LRCH2: variants seen among roughly 807,000 people sequenced by gnomAD.
LRCH2 encodes leucine rich repeats and calponin homology domain containing 2.
In LRCH2, 38 loss-of-function variants were observed where a neutral mutation model predicts 68.9. That is an observed-to-expected ratio of 0.55 (90% CI 0.43 to 0.72). LRCH2 has a LOEUF of 0.72. Ranked by LOEUF, LRCH2 falls within the 30% of genes least tolerant of loss-of-function variation. The probability of loss-of-function intolerance (pLI) is 0.00; values close to 1 mark genes in which losing one functional copy is unlikely to be tolerated. For missense variants in LRCH2, 528 were observed against 572.9 expected (o/e 0.92, Z 0.80); for synonymous variants, 191 against 208.1 (o/e 0.92, Z 0.71).
At chrX:115,166,040 A>C (rs782274607) in intron 7 of LRCH2, 88 bp from the exon 8 acceptor site, 1 of 741,990 alleles carries the variant, frequency 1.3e-6, no homozygotes, top group East Asian at 3.5e-5. Flanking sequence ...TGAATTACAG[A>C]ATGTCTGCTT....
intron 14 of LRCH2, among the ~76,000 whole-genome samples, chrX:115,144,593 T>C (rs1385650988): frequency 3.6e-5 from 4 of 110,065 alleles, no homozygotes; most frequent in African/African-American, 1.0e-4. Flanking sequence ...ACTGATAAAT[T>C]CTGTAAAGTT....
intron 1 of LRCH2, chrX:115,191,070 G>A: frequency 8.6e-7 from 1 of 1,163,731 alleles, no homozygotes. Context: ...GTTACGGCCA[G>A]AGCCACCGCT....
chrX:115,163,849 G>C, intron 10 of LRCH2, 66 bp from the exon 11 acceptor site: 1 of 805,316 alleles, frequency 1.2e-6, no homozygotes, highest in Non-Finnish European at 1.8e-6. Flanking sequence ...CCAGCTTCCA[G>C]AAATAGAAAC....
In LRCH2 at chrX:115,188,215, T is replaced by C; in HGVS notation, c.494+11A>G. 9.2e-7 allele frequency: 1 copy of C among 1,088,188 alleles called. No homozygotes were observed. Among genetic ancestry groups the C allele is most frequent in the East Asian group, 3.3e-5 (1 of 30,178 alleles). The allele number at this position is 1,088,188 out of a possible 1,213,427, so 89.7% of individuals were successfully genotyped here. A position where few individuals can be genotyped will look rare whatever the true frequency, so the allele number is the denominator to read the frequency against. ...TAAAAACCAAAATTTATTTTTAAAT[T>C]GTTTCCTTACCTAATGTTAAGGTAT... is the stretch of plus-strand genomic sequence containing the variant. On this transcript the variant is annotated intron_variant, in intron 2 of 20. Transcript: ENST00000317135.
Position 115,170,440 on chromosome X carries a change from T to A in LRCH2, c.865-8A>T, listed in dbSNP as rs1556547178. ...CTTACCCTTTAAACATATCTGTCAA[T>A]AAAAAATAAAGATTTAATTATATAG... On this transcript the variant is annotated splice_polypyrimidine_tract_variant and splice_region_variant and intron_variant, in intron 5 of 20. Transcript: ENST00000317135. 2 of 1,075,746 alleles carry A rather than the reference T, an allele frequency of 1.9e-6. No individual in the cohort carries two copies. The highest frequency in any genetic ancestry group is 2.4e-6 in the Non-Finnish European group (2 of 822,801). The allele number at this position is 1,075,746 out of a possible 1,213,427, so 88.7% of individuals were successfully genotyped here.
intron 1 of LRCH2, among the ~76,000 whole-genome samples, chrX:115,215,420 C>G (rs1374790294): frequency 9.0e-6 from 1 of 110,550 alleles, no homozygotes; most frequent in African/African-American, 3.3e-5. Context: ...TATCTTCAAC[C>G]TCACTGTAAT....
At chrX:115,146,908 C>CAT (rs1275789791) in intron 14 of LRCH2, among the ~76,000 whole-genome samples, 2 of 6,670 alleles carry the variant, frequency 3.0e-4, no homozygotes, top group Non-Finnish European at 9.3e-4. Context: ...TACATACATA[C>CAT]ACACACACAC....
chrX:115,234,059 T>G lies in LRCH2; in HGVS notation c.-18A>C, dbSNP rs1435358607. On this transcript the variant is annotated 5_prime_UTR_variant, in exon 1 of 21. Coordinates refer to ENST00000317135, the MANE Select transcript of LRCH2 (RefSeq NM_020871.4). ...GCCGCCATGTTCCTGGGAGAGAGAATAGCCCCCGACAATACTGTCAGCCTG... is the reference window on the plus strand; with the variant it reads ...GCCGCCATGTTCCTGGGAGAGAGAAGAGCCCCCGACAATACTGTCAGCCTG... The G allele has an allele frequency of 6.0e-6, 7 of 1,160,902 alleles. No individual in the cohort carries two copies. Among genetic ancestry groups the G allele is most frequent in the Non-Finnish European group, 8.0e-6 (7 of 870,034 alleles).
At chrX:115,221,919 C>G (rs1172699710) in intron 1 of LRCH2, among the ~76,000 whole-genome samples, 3 of 98,155 alleles carry the variant, frequency 3.1e-5, no homozygotes, top group Non-Finnish European at 6.1e-5. Context: ...GGTGGAAAGC[C>G]AAAGAAGGAT....
intron 1 of LRCH2, among the ~76,000 whole-genome samples, chrX:115,195,111 C>T (rs905124534): frequency 9.1e-6 from 1 of 110,282 alleles, no homozygotes; most frequent in Non-Finnish European, 1.9e-5. Context: ...GGTGAAACCC[C>T]GTCTCTTACT....
intron 14 of LRCH2, among the ~76,000 whole-genome samples, chrX:115,131,549 A>G (rs1421960983): frequency 1.8e-5 from 2 of 111,801 alleles, no homozygotes; most frequent in East Asian, 2.8e-4. Context: ...TATTGTGAAT[A>G]GTGCTGCAAT....
chrX:115,154,671 G>A (rs1000581303), intron 12 of LRCH2, among the ~76,000 whole-genome samples: 1 of 111,488 alleles, frequency 9.0e-6, no homozygotes, highest in Non-Finnish European at 1.9e-5. Flanking sequence ...GATATAATTT[G>A]TTCTTTTTAG....
chrX:115,216,502 A>G, intron 1 of LRCH2, among the ~76,000 whole-genome samples: 1 of 112,347 alleles, frequency 8.9e-6, no homozygotes, highest in African/African-American at 3.2e-5. Flanking sequence ...AGAAATACTC[A>G]ACATCACTAA....
At chrX:115,135,122 C>CTTT (rs35620352) in intron 14 of LRCH2, among the ~76,000 whole-genome samples, 1 of 88,238 alleles carries the variant, frequency 1.1e-5, no homozygotes, top group African/African-American at 4.4e-5. Flanking sequence ...TCTTTTCTTT[C>CTTT]TTTTTTTTTT....
At chrX:115,165,792 A>T in intron 8 of LRCH2, 49 bp downstream of exon 8, 1 of 983,575 alleles carries the variant, frequency 1.0e-6, no homozygotes, top group Non-Finnish European at 1.4e-6. Flanking sequence ...CCCATTTTTA[A>T]TGTGGGCTAT....
rs890387612 is a variant in LRCH2, at chrX:115,190,375, G to A, written c.350-2005C>T. ...CCTCAAGAGCTACGGAGGCCCATGC[G>A]GCGCTGCCCCTGTGTGGGGGACACC... On this transcript the variant is annotated intron_variant, in intron 1 of 20. Coordinates refer to ENST00000317135, the MANE Select transcript of LRCH2 (RefSeq NM_020871.4). 13 of 1,160,340 alleles carry A rather than the reference G, an allele frequency of 1.1e-5. No homozygotes were observed. The highest frequency in any genetic ancestry group is 5.4e-5 in the African/African-American group (3 of 55,595).
At chrX:115,142,244 C>T (rs1418949915) in intron 14 of LRCH2, among the ~76,000 whole-genome samples, 1 of 111,990 alleles carries the variant, frequency 8.9e-6, no homozygotes. Flanking sequence ...ACTTTCAGCA[C>T]TGGACAGATC....
chrX:115,174,899 G>A (rs1232355462), intron 5 of LRCH2, among the ~76,000 whole-genome samples: 3 of 111,244 alleles, frequency 2.7e-5, no homozygotes, highest in Non-Finnish European at 5.7e-5. Flanking sequence ...ATAGCCACAG[G>A]ATAAGGGACT....
At chrX:115,189,743 G>A (rs1556556353) in intron 1 of LRCH2, 1 of 1,166,683 alleles carries the variant, frequency 8.6e-7, no homozygotes, top group South Asian at 1.9e-5. Context: ...ACCCCCGGCA[G>A]CGGCAGTCGC....
Sources: allele counts gnomAD v4.1 joint callset (sites outside exome capture counted in the v4.1 genomes callset), GRCh38; gene constraint gnomAD v4.1.1; transcripts MANE v1.5; gene names NCBI Gene and HGNC (gene_info 2026-07-23, HGNC 2026-07-21).